PCDHGB5: variants seen among roughly 807,000 people sequenced by gnomAD.
The protein encoded by PCDHGB5 is protocadherin gamma-B5.
A neutral mutation model predicts 62.9 loss-of-function variants in PCDHGB5; 48 were observed. That is an observed-to-expected ratio of 0.76 (90% CI 0.61 to 0.97). The LOEUF is 0.97. Ranked by LOEUF, PCDHGB5 falls within the 50% of genes least tolerant of loss-of-function variation. PCDHGB5 has a pLI of 0.00. For missense variants in PCDHGB5, 1,118 were observed against 1,198.6 expected, an observed-to-expected ratio of 0.93 and a Z score of 0.99; for synonymous variants, 474 against 511.2, an observed-to-expected ratio of 0.93 and a Z score of 0.98.
chr5:141,431,393 C>T lies in PCDHGB5; in HGVS notation c.2397+30869C>T, dbSNP rs1485575362. 5 of 1,613,884 alleles carry T rather than the reference C, an allele frequency of 3.1e-6. No individual in the cohort carries two copies. Among genetic ancestry groups the T allele is most frequent in the Non-Finnish European group, 4.2e-6 (5 of 1,180,048 alleles). On this transcript the variant is annotated intron_variant, in intron 1 of 3. Coordinates refer to ENST00000617380, the MANE Select transcript of PCDHGB5 (RefSeq NM_018925.3). The surrounding 1 kb of genome is among the most constrained non-coding windows in gnomAD (Gnocchi z 4.8). ...AGAAAAGGCTGCTCACCACCTGGTC[C>T]TTACGGCCTCCGACGGGGGCGACCC...
chr5:141,490,402 G>A lies in PCDHGB5; in HGVS notation c.2398-4405G>A. On this transcript the variant is annotated intron_variant, in intron 1 of 3. Coordinates refer to ENST00000617380, the MANE Select transcript of PCDHGB5 (RefSeq NM_018925.3). This position sits in a 1 kb window ranked among gnomAD's most constrained non-coding sequence, Gnocchi z 5.4. The stretch of plus-strand genomic sequence containing the variant: ...AGGTAGAAATGGTGAAGTGAGCCTT[G>A]ATATCTCTCCGGACCTGCCATTTCA... 6.2e-7 allele frequency: 1 copy of A among 1,614,182 alleles called. No homozygotes were observed. The highest frequency in any genetic ancestry group is 8.5e-7 in the Non-Finnish European group (1 of 1,180,024).
chr5:141,415,657 G>C, intron 1 of PCDHGB5: 1 of 1,576,238 alleles, frequency 6.3e-7, no homozygotes, highest in Non-Finnish European at 8.6e-7. Context: ...AAAAAAGATT[G>C]GTTTTTACTT....
intron 1 of PCDHGB5, chr5:141,419,568 A>T: frequency 1.2e-6 from 2 of 1,611,742 alleles, no homozygotes; most frequent in African/African-American, 2.7e-5. Flanking sequence ...CTGGGTCCCG[A>T]CGGCTCCGCG....
In PCDHGB5 at chr5:141,476,254, T is replaced by C; in HGVS notation, c.2398-18553T>C. 1.2e-6 allele frequency: 2 copies of C among 1,613,820 alleles called. No individual in the cohort carries two copies. Among genetic ancestry groups the C allele is most frequent in the Non-Finnish European group, 8.5e-7 (1 of 1,179,976 alleles). On this transcript the variant is annotated intron_variant, in intron 1 of 3. Transcript: ENST00000617380. The surrounding 1 kb of genome is among the most constrained non-coding windows in gnomAD (Gnocchi z 7.6). ...CGGAGGAAAGAGAGAAGGGTTTCGCTGTGGGCAACGTGGTCGCGAACCTTG... is the reference window on the plus strand; with the variant it reads ...CGGAGGAAAGAGAGAAGGGTTTCGCCGTGGGCAACGTGGTCGCGAACCTTG...
In PCDHGB5 at chr5:141,399,841, G is replaced by C; in HGVS notation, c.1714G>C (p.Asp572His). 1 of 1,613,086 alleles carries C rather than the reference G, an allele frequency of 6.2e-7. No individual in the cohort carries two copies. Among genetic ancestry groups the C allele is most frequent in the Non-Finnish European group, 8.5e-7 (1 of 1,179,786 alleles). Residue 572 changes from aspartate to histidine, a missense_variant, in exon 1 of 4, where the codon GAT becomes CAT. Coordinates refer to ENST00000617380, the MANE Select transcript of PCDHGB5 (RefSeq NM_018925.3). ...GGGTCCCGACGGCTCTGCGCTCTTC[G>C]ATATGGTGCCGCGCGCTGCAGAGCC... is the stretch of plus-strand genomic sequence containing the variant. The part of the protein sequence containing the change: ...ALGPDGSALF[D>H]MVPRAAEPGY...
Position 141,490,732 on chromosome 5 carries a change from G to A in PCDHGB5, c.2398-4075G>A, listed in dbSNP as rs775388969. 6.2e-6 allele frequency: 10 copies of A among 1,614,188 alleles called. No homozygotes were observed. The highest frequency in any genetic ancestry group is 8.5e-6 in the Non-Finnish European group (10 of 1,180,042). ...CACCTACTCCATTGTAGGAAATCAG[G>A]TTCAGGGAGCCCCAGCCTCCTCCTT... On this transcript the variant is annotated intron_variant, in intron 1 of 3. Transcript: ENST00000617380. This position sits in a 1 kb window ranked among gnomAD's most constrained non-coding sequence, Gnocchi z 5.4.
At chr5:141,471,802 A>G (rs2154571076) in intron 1 of PCDHGB5, among the ~76,000 whole-genome samples, 1 of 152,362 alleles carries the variant, frequency 6.6e-6, no homozygotes, top group African/African-American at 2.4e-5. Context: ...TATAAAAGAC[A>G]TATAAAAGAC....
At chr5:141,415,740 G>GTTTTTTTTTTTTTTTTTGTTTTT (rs2095912994) in intron 1 of PCDHGB5, 1 of 515,998 alleles carries the variant, frequency 1.9e-6, no homozygotes. Flanking sequence ...GTTTATTAAG[G>GTTTTTTTTTTTTTTTTTGTTTTT]TTTTTTTTTT....
chr5:141,481,689 C>T (rs1198127143), intron 1 of PCDHGB5, among the ~76,000 whole-genome samples: 1 of 152,102 alleles, frequency 6.6e-6, no homozygotes, highest in Non-Finnish European at 1.5e-5. Context: ...CCTGGTGGCT[C>T]ACGCCTGTAA....
Position 141,474,403 on chromosome 5 carries a change from C to T in PCDHGB5, c.2398-20404C>T, listed in dbSNP as rs553745731. ...ATTTCTGCATTTCTAACAAGCTCCC[C>T]GGTGATGCCTAGACCATTGGTCCTC... is the stretch of plus-strand genomic sequence containing the variant. On this transcript the variant is annotated intron_variant, in intron 1 of 3. Coordinates refer to ENST00000617380, the MANE Select transcript of PCDHGB5 (RefSeq NM_018925.3). Among the ~76,000 whole-genome samples, 121 of 152,282 alleles carry T rather than the reference C, an allele frequency of 7.9e-4. 1 individual carries two copies. Among genetic ancestry groups the T allele is most frequent in the Admixed American group, 3.9e-3 (59 of 15,292 alleles).
At chr5:141,419,770 G>C in intron 1 of PCDHGB5, 1 of 1,614,006 alleles carries the variant, frequency 6.2e-7, no homozygotes, top group Non-Finnish European at 8.5e-7. Context: ...ACAAGGACTC[G>C]GTCCGCCAGC....
chr5:141,404,119 T>G, intron 1 of PCDHGB5: 1 of 1,613,504 alleles, frequency 6.2e-7, no homozygotes, highest in Non-Finnish European at 8.5e-7. Flanking sequence ...TCCAGGAGAA[T>G]CTATCTTTTA....
At chr5:141,467,728 C>A (rs2099150053) in intron 1 of PCDHGB5, among the ~76,000 whole-genome samples, 1 of 152,058 alleles carries the variant, frequency 6.6e-6, no homozygotes, top group Admixed American at 6.5e-5. Context: ...GTGGCACAAT[C>A]CCAGCTCGCT....
intron 1 of PCDHGB5, chr5:141,423,051 CCTG>C (rs771403541): frequency 2.5e-6 from 4 of 1,614,208 alleles, no homozygotes; most frequent in Admixed American, 1.7e-5. Flanking sequence ...TGTCCTATCG[CCTG>C]CTTAAGGCCA....
At chr5:141,415,937 C>T (rs939831077) in intron 1 of PCDHGB5, 8 of 587,822 alleles carry the variant, frequency 1.4e-5, no homozygotes, top group Non-Finnish European at 2.0e-5. Context: ...TATATTTCCT[C>T]CTGGGTGGTC....
At chr5:141,415,749 T>TG in intron 1 of PCDHGB5, 2 of 1,214,000 alleles carry the variant, frequency 1.6e-6, no homozygotes, top group Non-Finnish European at 1.1e-6. Context: ...GGTTTTTTTT[T>TG]TTTTTTTTTT....
chr5:141,505,302 G>GTAC, intron 2 of PCDHGB5, 91 bp from the exon 3 acceptor site: 5 of 1,592,714 alleles, frequency 3.1e-6, no homozygotes, highest in Non-Finnish European at 4.3e-6. Context: ...TAGGGTTAGG[G>GTAC]TACTAGGTTT....
chr5:141,460,921 T>C (rs984603258), intron 1 of PCDHGB5, among the ~76,000 whole-genome samples: 4 of 151,276 alleles, frequency 2.6e-5, no homozygotes, highest in African/African-American at 9.7e-5. Flanking sequence ...TGTATATATA[T>C]ATATGTGTGT....
intron 1 of PCDHGB5, among the ~76,000 whole-genome samples, chr5:141,445,711 G>A (rs978623618): frequency 1.3e-5 from 2 of 152,202 alleles, no homozygotes; most frequent in African/African-American, 4.8e-5. Context: ...TTGTCAGGCA[G>A]AGGAAATAGC....
Sources: gnomAD v4.1 joint callset for allele counts (sites outside exome capture counted in the v4.1 genomes callset) on GRCh38, gnomAD v4.1.1 for gene constraint, Gnocchi (gnomAD v3.1) non-coding constraint, MANE v1.5 for transcripts, NCBI Gene and HGNC (gene_info 2026-07-23, HGNC 2026-07-21) for gene names.